The following DNAH7 variants were observed in gnomAD, a reference collection of about 807,000 sequenced individuals.
The protein encoded by DNAH7 is axonemal beta dynein heavy chain 7.
DNAH7 carries 397 observed loss-of-function variants against 444.6 expected under a neutral mutation model. The observed-to-expected ratio is 0.89, with a 90% CI of 0.82 to 0.97. The LOEUF is 0.97. Ranked by LOEUF, DNAH7 falls within the 50% of genes least tolerant of loss-of-function variation. The pLI is 0.00. For synonymous variants in DNAH7, 1,636 were observed against 1,624.4 expected (o/e 1.01, Z -0.17); for missense variants, 4,902 against 4,800.8 (o/e 1.02, Z -0.62).
At chr2:195,983,739 C>T (rs1380443195) in intron 15 of DNAH7, among the ~76,000 whole-genome samples, 1 of 152,124 alleles carries the variant, frequency 6.6e-6, no homozygotes, top group Non-Finnish European at 1.5e-5. Context: ...TTTTCAGTGT[C>T]ATAAATTCTA....
chr2:195,916,469 G>A (rs954727462), intron 24 of DNAH7, among the ~76,000 whole-genome samples: 1 of 119,146 alleles, frequency 8.4e-6, no homozygotes, highest in Non-Finnish European at 1.6e-5. Context: ...AGGAATGTCA[G>A]GCGACCGTCA....
chr2:195,781,651 T>C (rs561372525), intron 58 of DNAH7, among the ~76,000 whole-genome samples: 1 of 143,932 alleles, frequency 6.9e-6, no homozygotes, highest in East Asian at 2.0e-4. Flanking sequence ...AAGAAGTTCG[T>C]TTTAACCTTA....
At chr2:195,914,285 GATTGATAGGTGAAATTTAAGAATT>G (rs1559218036) in intron 24 of DNAH7, among the ~76,000 whole-genome samples, 1 of 152,210 alleles carries the variant, frequency 6.6e-6, no homozygotes, top group Non-Finnish European at 1.5e-5. Flanking sequence ...TTGCTTCTTG[GATTGATAGGTGAAATTTAAGAATT>G]ATTTTTTCTC....
In DNAH7 at chr2:195,737,835, C is replaced by CAA; in HGVS notation, c.*84_*85dup. ...CTTTAGTCAAATGTATTTAAACAAA[C>CAA]AAAAAAAAAGGTTTAAGTAGTAAAA... On this transcript the variant is annotated 3_prime_UTR_variant, in exon 65 of 65. Coordinates refer to ENST00000312428, the MANE Select transcript of DNAH7 (RefSeq NM_018897.3). The CAA allele has an allele frequency of 8.4e-7, 1 of 1,189,144 alleles. No homozygotes were observed. The highest frequency in any genetic ancestry group is 1.2e-6 in the Non-Finnish European group (1 of 859,416). 73.7% of individuals were successfully genotyped at this position (1,189,144 alleles called of 1,614,324 possible).
intron 27 of DNAH7, chr2:195,901,879 A>G (rs982174983): frequency 1.3e-4 from 20 of 152,208 alleles, no homozygotes; most frequent in African/African-American, 4.6e-4. Context: ...TACTGAGGTT[A>G]TATGATGTTT....
intron 24 of DNAH7, among the ~76,000 whole-genome samples, chr2:195,912,323 C>T (rs551480127): frequency 5.9e-5 from 9 of 152,128 alleles, no homozygotes; most frequent in Non-Finnish European, 8.8e-5. Context: ...GACTCACAAC[C>T]GAAAACATTT....
At position 195,960,823 on chromosome 2, in the gene DNAH7, A is replaced by G. The variant is rs1691042565; in HGVS notation, c.2328T>C (p.Phe776=). 1 of 1,614,030 alleles carries G rather than the reference A, an allele frequency of 6.2e-7. No homozygotes were observed. Among genetic ancestry groups the G allele is most frequent in the African/African-American group, 1.3e-5 (1 of 74,930 alleles). ...CTGTCCATGCTCTATAGTTGCTGCT[A>G]AATTCGACAGCAGTTTCATAAAGAC... ...YLRLYETAVE[F]SSNYRAWTEG... Residue 776 remains phenylalanine, a synonymous_variant, in exon 18 of 65, where the codon TTT becomes TTC. Transcript: ENST00000312428.
chr2:196,037,416 TA>T, intron 5 of DNAH7, among the ~76,000 whole-genome samples: 1 of 151,606 alleles, frequency 6.6e-6, no homozygotes, highest in Non-Finnish European at 1.5e-5. Context: ...AAAGGAAATC[TA>T]AAAAACCCCT....
intron 57 of DNAH7, among the ~76,000 whole-genome samples, chr2:195,790,903 C>T (rs907762044): frequency 1.3e-5 from 2 of 152,116 alleles, no homozygotes; most frequent in African/African-American, 2.4e-5. Context: ...AGTAAAAAGA[C>T]AACCTTCAGA....
chr2:195,854,097 G>A (rs1361888551), intron 45 of DNAH7, among the ~76,000 whole-genome samples: 1 of 152,144 alleles, frequency 6.6e-6, no homozygotes, highest in Non-Finnish European at 1.5e-5. Flanking sequence ...TCAACCAAAT[G>A]TGATTATATG....
chr2:195,771,668 C>CT lies in DNAH7; in HGVS notation c.11424dup (p.Ala3809SerfsTer13). 2 of 1,611,762 alleles carry CT rather than the reference C, an allele frequency of 1.2e-6. No homozygotes were observed. The highest frequency in any genetic ancestry group is 1.7e-6 in the Non-Finnish European group (2 of 1,178,026). On this transcript the variant is annotated frameshift_variant, in exon 61 of 65. Coordinates refer to ENST00000312428, the MANE Select transcript of DNAH7 (RefSeq NM_018897.3). LOFTEE classifies it high-confidence loss of function. The stretch of plus-strand genomic sequence containing the variant: ...GGTGTTTTTCACCTTACCTTGATTG[C>CT]TTTTTGAATATTTACGCACGAATCT...
intron 38 of DNAH7, among the ~76,000 whole-genome samples, chr2:195,874,330 A>G (rs991077272): frequency 6.6e-6 from 1 of 152,222 alleles, no homozygotes; most frequent in Non-Finnish European, 1.5e-5. Context: ...GGAGATGGTG[A>G]AAGGGTTGCA....
chr2:195,801,251 C>T (rs932592536), intron 54 of DNAH7, among the ~76,000 whole-genome samples: 3 of 151,908 alleles, frequency 2.0e-5, no homozygotes, highest in African/African-American at 4.8e-5. Context: ...TTCAATTTCT[C>T]GTCTATTAAC....
intron 60 of DNAH7, among the ~76,000 whole-genome samples, chr2:195,772,969 C>T (rs932496469): frequency 6.6e-6 from 1 of 151,906 alleles, no homozygotes; most frequent in Non-Finnish European, 1.5e-5. Context: ...TTAGTAGAGA[C>T]AGTGTTTCAC....
At position 195,988,090 on chromosome 2, in the gene DNAH7, T is replaced by C; in HGVS notation, c.1493A>G (p.Asp498Gly). 1 of 1,613,780 alleles carries C rather than the reference T, an allele frequency of 6.2e-7. No individual in the cohort carries two copies. The highest frequency in any genetic ancestry group is 8.5e-7 in the Non-Finnish European group (1 of 1,179,782). Reference sequence around the variant, plus strand: ...CTCAGCTTTTCTGGTAATTAAAAAGTCATACTTGTCATAGAGTCTGAGGTG... The same window carrying C: ...CTCAGCTTTTCTGGTAATTAAAAAGCCATACTTGTCATAGAGTCTGAGGTG... ...TEHLRLYDKY[D>G]FLITRKAERD... Residue 498 changes from aspartate to glycine, a missense_variant, in exon 13 of 65, where the codon GAC (aspartate) becomes GGC (glycine). Asp to Gly is a moderately conservative substitution (Grantham distance 94). Transcript: ENST00000312428.
intron 19 of DNAH7, among the ~76,000 whole-genome samples, chr2:195,949,446 G>A (rs1374446428): frequency 6.6e-6 from 1 of 152,008 alleles, no homozygotes; most frequent in African/African-American, 2.4e-5. Context: ...ACTACACCTG[G>A]CTAATTTTCG....
intron 5 of DNAH7, among the ~76,000 whole-genome samples, chr2:196,045,294 GAAAAGAA>G (rs1697045629): frequency 7.8e-6 from 1 of 127,862 alleles, no homozygotes; most frequent in South Asian, 2.2e-4. Context: ...GGAGGAGAAA[GAAAAGAA>G]AAAAGAAAAA....
At chr2:195,892,046 C>A (rs1403407552) in intron 30 of DNAH7, among the ~76,000 whole-genome samples, 1 of 152,106 alleles carries the variant, frequency 6.6e-6, no homozygotes, top group East Asian at 1.9e-4. Flanking sequence ...TAAAAGCTCA[C>A]AAAATACTTA....
chr2:195,849,519 G>T (rs1002991064), intron 46 of DNAH7, among the ~76,000 whole-genome samples: 4 of 152,150 alleles, frequency 2.6e-5, no homozygotes, highest in African/African-American at 9.7e-5. Context: ...AGATGGTATT[G>T]CTACGTAGGG....
Sources: gnomAD v4.1 joint callset for allele counts (sites outside exome capture counted in the v4.1 genomes callset) on GRCh38, gnomAD v4.1.1 for gene constraint, MANE v1.5 for transcripts, NCBI Gene and HGNC (gene_info 2026-07-23, HGNC 2026-07-21) for gene names.